Variants in RAB38 observed in about 807,000 individuals in gnomAD.
The protein encoded by RAB38 is ras-related protein Rab-38.
In RAB38, 15 loss-of-function variants were observed where a neutral mutation model predicts 18.4. The observed-to-expected ratio is 0.82, with a 90% confidence interval of 0.55 to 1.26. The LOEUF (loss-of-function observed/expected upper bound fraction) is 1.26, where lower values mean the gene tolerates loss of function less well. RAB38 is among the 50% of genes most tolerant of loss of function. The probability of loss-of-function intolerance (pLI) is 0.00; values close to 1 mark genes in which losing one functional copy is unlikely to be tolerated. For synonymous variants in RAB38, 101 were observed against 104.4 expected, an observed-to-expected ratio of 0.97 and a Z score of 0.20; for missense variants, 294 against 267.4, an observed-to-expected ratio of 1.10 and a Z score of -0.69.
chr11:88,099,094 C>T, the RAB38 span, among the ~76,000 whole-genome samples: 1 of 151,758 alleles, frequency 6.6e-6, no homozygotes, highest in Non-Finnish European at 1.5e-5. Context: ...TAATAAAGCT[C>T]TTTAATCATT....
the RAB38 span, among the ~76,000 whole-genome samples, chr11:87,820,852 A>C: frequency 1.3e-5 from 2 of 152,256 alleles, no homozygotes; most frequent in Non-Finnish European, 2.9e-5. Context: ...GGAATAGTTT[A>C]AATAGCACAG....
the RAB38 span, among the ~76,000 whole-genome samples, chr11:88,084,978 G>A: frequency 1.3e-5 from 2 of 151,892 alleles, no homozygotes; most frequent in African/African-American, 4.8e-5. Context: ...TTCTGGGCCT[G>A]ATAGAAATAG....
chr11:87,944,810 C>T, the RAB38 span, among the ~76,000 whole-genome samples: 3 of 152,116 alleles, frequency 2.0e-5, no homozygotes, highest in African/African-American at 7.2e-5. Flanking sequence ...CTATCATCCC[C>T]TATGCCTCAG....
At chr11:88,126,640 T>C (rs558398075) in intron 2 of RAB38, among the ~76,000 whole-genome samples, 1 of 151,956 alleles carries the variant, frequency 6.6e-6, no homozygotes, top group South Asian at 2.1e-4. Context: ...ACATGGCACA[T>C]GTATACATAT....
chr11:87,843,901 A>G, the RAB38 span, among the ~76,000 whole-genome samples: 1 of 152,110 alleles, frequency 6.6e-6, no homozygotes, highest in Middle Eastern at 3.4e-3. Context: ...GTTATAAGTG[A>G]CTCCTTCATT....
the RAB38 span, among the ~76,000 whole-genome samples, chr11:88,004,271 G>C: frequency 7.2e-6 from 1 of 139,776 alleles, no homozygotes; most frequent in Non-Finnish European, 1.6e-5. Context: ...ACAGCAATTT[G>C]TAAAAGGTAT....
In RAB38 at chr11:88,113,830, C is replaced by T. The variant is rs1483463432; in HGVS notation, c.*158G>A. On this transcript the variant is annotated 3_prime_UTR_variant, in exon 3 of 3. Coordinates refer to ENST00000243662, the MANE Select transcript of RAB38 (RefSeq NM_022337.3). ...GATGGTGAGGAAAGCATAGAAAGAA[C>T]ATTTGCTATTTCTCTCTCACTGAAA... 12 of 804,126 alleles carry T rather than the reference C, an allele frequency of 1.5e-5. No homozygotes were observed. The highest frequency in any genetic ancestry group is 1.0e-4 in the African/African-American group (6 of 58,236). The allele number at this position is 804,126 out of a possible 1,614,324, so 49.8% of individuals were successfully genotyped here.
the RAB38 span, among the ~76,000 whole-genome samples, chr11:88,096,499 TTATA>T: frequency 6.6e-6 from 1 of 151,816 alleles, no homozygotes; most frequent in African/African-American, 2.4e-5. Context: ...ACCTAACATA[TTATA>T]TATATATTTG....
At chr11:88,028,816 T>C in the RAB38 span, among the ~76,000 whole-genome samples, 1 of 152,084 alleles carries the variant, frequency 6.6e-6, no homozygotes, top group East Asian at 1.9e-4. Context: ...CAGGATATTA[T>C]CCAGGAGAAC....
At chr11:87,870,199 G>A in the RAB38 span, among the ~76,000 whole-genome samples, 1 of 151,424 alleles carries the variant, frequency 6.6e-6, no homozygotes, top group East Asian at 2.0e-4. Flanking sequence ...TCTTTTTTAT[G>A]AGCACCTCAT....
At chr11:87,903,229 A>G in the RAB38 span, among the ~76,000 whole-genome samples, 1 of 151,380 alleles carries the variant, frequency 6.6e-6, no homozygotes, top group Non-Finnish European at 1.5e-5. Flanking sequence ...GATGCCTTTT[A>G]TTAGTTTATG....
At chr11:87,968,620 C>T in the RAB38 span, among the ~76,000 whole-genome samples, 14 of 152,200 alleles carry the variant, frequency 9.2e-5, no homozygotes, top group Admixed American at 2.0e-4. Flanking sequence ...GGAGCTTGCA[C>T]GACAGTGGAG....
intron 1 of RAB38, among the ~76,000 whole-genome samples, chr11:88,168,927 C>T (rs1481785398): frequency 6.6e-6 from 1 of 152,194 alleles, no homozygotes; most frequent in African/African-American, 2.4e-5. Flanking sequence ...ACCTTATTCT[C>T]ATCCCCTCCA....
the RAB38 span, among the ~76,000 whole-genome samples, chr11:87,911,336 A>G: frequency 6.6e-6 from 1 of 152,026 alleles, no homozygotes; most frequent in African/African-American, 2.4e-5. Flanking sequence ...ATTTTGAAGG[A>G]ATTGAATCTA....
At chr11:88,064,545 C>T in the RAB38 span, among the ~76,000 whole-genome samples, 2 of 152,184 alleles carry the variant, frequency 1.3e-5, no homozygotes, top group Non-Finnish European at 1.5e-5. Context: ...CAAATGAACA[C>T]TCTCCCCACG....
chr11:88,005,791 A>G, the RAB38 span, among the ~76,000 whole-genome samples: 2 of 151,470 alleles, frequency 1.3e-5, no homozygotes, highest in African/African-American at 4.8e-5. Context: ...GTGAGAGATA[A>G]GGGTCTAGTT....
chr11:87,814,167 T>A, the RAB38 span, among the ~76,000 whole-genome samples: 2 of 151,936 alleles, frequency 1.3e-5, no homozygotes, highest in Non-Finnish European at 2.9e-5. Context: ...TACTCCCGAG[T>A]GGGATGATGA....
At chr11:87,921,569 T>C in the RAB38 span, among the ~76,000 whole-genome samples, 2 of 148,188 alleles carry the variant, frequency 1.3e-5, no homozygotes, top group South Asian at 2.1e-4. Context: ...TTATATATAA[T>C]ATATATTATA....
chr11:87,855,311 T>C, the RAB38 span, among the ~76,000 whole-genome samples: 1 of 152,160 alleles, frequency 6.6e-6, no homozygotes, highest in African/African-American at 2.4e-5. Context: ...TCAGATATCA[T>C]ACCCAGGAAA....
Sources: gnomAD v4.1 joint callset for allele counts (sites outside exome capture counted in the v4.1 genomes callset) on GRCh38, gnomAD v4.1.1 for gene constraint, MANE v1.5 for transcripts, NCBI Gene and HGNC (gene_info 2026-07-23, HGNC 2026-07-21) for gene names.